The following PHACTR3 variants were observed in gnomAD, a reference collection of about 807,000 sequenced individuals.
PHACTR3 encodes the protein phosphatase and actin regulator 3, also known as protein phosphatase 1, regulatory subunit 123.
A neutral mutation model predicts 66.8 loss-of-function variants in PHACTR3; 16 were observed. That is an observed-to-expected ratio of 0.24 (90% CI 0.16 to 0.36). PHACTR3 has a LOEUF of 0.36. Ranked by LOEUF, PHACTR3 falls within the 10% of genes least tolerant of loss-of-function variation. PHACTR3 has a pLI of 1.00. For missense variants in PHACTR3, 647 were observed against 719.9 expected (o/e 0.90, Z 1.16); for synonymous variants, 323 against 292.1 (o/e 1.11, Z -1.08).
At chr20:59,648,330 AC>A (rs2035353564) in intron 1 of PHACTR3, among the ~76,000 whole-genome samples, 1 of 152,168 alleles carries the variant, frequency 6.6e-6, no homozygotes. Context: ...AGTGAAGAAT[AC>A]CAAAGCTGTA....
intron 1 of PHACTR3, among the ~76,000 whole-genome samples, chr20:59,647,847 C>T (rs1010547760): frequency 5.3e-5 from 8 of 152,192 alleles, no homozygotes; most frequent in Admixed American, 5.2e-4. Flanking sequence ...CCTTTCTTGG[C>T]TGGGTTTCCT....
intron 7 of PHACTR3, among the ~76,000 whole-genome samples, chr20:59,776,009 G>A (rs1442452842): frequency 6.6e-6 from 1 of 152,206 alleles, no homozygotes; most frequent in Non-Finnish European, 1.5e-5. Context: ...AGATGCCCCT[G>A]AGGGGCAGAA....
At chr20:59,793,320 A>G (rs2041159344) in intron 7 of PHACTR3, among the ~76,000 whole-genome samples, 1 of 152,182 alleles carries the variant, frequency 6.6e-6, no homozygotes, top group South Asian at 2.1e-4. Flanking sequence ...ATTTTTATGA[A>G]TAATGTCATT....
At chr20:59,709,914 G>A (rs1038807349) in intron 1 of PHACTR3, among the ~76,000 whole-genome samples, 4 of 152,056 alleles carry the variant, frequency 2.6e-5, no homozygotes, top group Non-Finnish European at 4.4e-5. Flanking sequence ...CAGCTTATAG[G>A]CTACTTGTAG....
At chr20:59,746,333 GACACTTGCCATCT>G (rs2039370836) in intron 2 of PHACTR3, among the ~76,000 whole-genome samples, 1 of 152,208 alleles carries the variant, frequency 6.6e-6, no homozygotes, top group Non-Finnish European at 1.5e-5. Flanking sequence ...CCCACTTCTA[GACACTTGCCATCT>G]GTCCTCCCAC....
At chr20:59,771,106 G>A (rs990113883) in intron 5 of PHACTR3, among the ~76,000 whole-genome samples, 1 of 152,192 alleles carries the variant, frequency 6.6e-6, no homozygotes, top group African/African-American at 2.4e-5. Flanking sequence ...TGTCACATCT[G>A]TGATTGACAG....
intron 1 of PHACTR3, among the ~76,000 whole-genome samples, chr20:59,620,174 C>T (rs1177909378): frequency 6.6e-6 from 1 of 152,198 alleles, no homozygotes; most frequent in African/African-American, 2.4e-5. Flanking sequence ...TCCTTTAGAG[C>T]ATTTTTAAAC....
At chr20:59,786,376 T>C (rs1364768546) in intron 7 of PHACTR3, among the ~76,000 whole-genome samples, 3 of 152,204 alleles carry the variant, frequency 2.0e-5, no homozygotes, top group Non-Finnish European at 4.4e-5. Flanking sequence ...AACTCAATGA[T>C]GTGAGATTGC....
chr20:59,717,209 G>A (rs758232764), intron 1 of PHACTR3, among the ~76,000 whole-genome samples: 3 of 152,036 alleles, frequency 2.0e-5, no homozygotes, highest in Admixed American at 1.3e-4. Context: ...TGTTTATTTA[G>A]TGTATTCTTT....
In PHACTR3 at chr20:59,773,298, A is replaced by G. The variant is rs762871777; in HGVS notation, c.771A>G (p.Gln257=). Residue 257 remains glutamine, a synonymous_variant, in exon 6 of 13, where the codon CAA becomes CAG. Coordinates refer to ENST00000371015, the MANE Select transcript of PHACTR3 (RefSeq NM_080672.5). ...KNVTGQATLF[Q]ASSMKSADPS... is the part of the protein sequence containing the mutation. ...CCCCAGGCCAAGCCACACTCTTCCA[A>G]GCCTCCAGCATGAAGAGTGCCGACC... The G allele has an allele frequency of 1.2e-6, 2 of 1,613,930 alleles. No homozygotes were observed. The highest frequency in any genetic ancestry group is 1.7e-6 in the Non-Finnish European group (2 of 1,179,916).
intron 7 of PHACTR3, among the ~76,000 whole-genome samples, chr20:59,778,845 G>A (rs1003008022): frequency 2.6e-5 from 4 of 152,260 alleles, no homozygotes; most frequent in South Asian, 2.1e-4. Context: ...ATTTGTTCTC[G>A]AAACCCAGTG....
chr20:59,766,056 A>G (rs1045231177), intron 4 of PHACTR3, among the ~76,000 whole-genome samples: 6 of 152,226 alleles, frequency 3.9e-5, no homozygotes, highest in Admixed American at 3.3e-4. Flanking sequence ...GGAAGAATAG[A>G]GATGCTGGGG....
At chr20:59,635,157 C>CTTTCTT (rs1568948941) in intron 1 of PHACTR3, among the ~76,000 whole-genome samples, 2 of 51,642 alleles carry the variant, frequency 3.9e-5, no homozygotes, top group East Asian at 1.1e-3. Context: ...CTTTTTCTTT[C>CTTTCTT]TTTCTTTCTT....
chr20:59,672,810 A>T (rs557341596), intron 1 of PHACTR3, among the ~76,000 whole-genome samples: 109 of 152,174 alleles, frequency 7.2e-4, no homozygotes, highest in Middle Eastern at 6.8e-3. Flanking sequence ...CACCGCAGCA[A>T]AGTTTTAGGA....
chr20:59,755,396 G>C (rs1241668298), intron 4 of PHACTR3, 32 bp downstream of exon 4: 4 of 1,604,918 alleles, frequency 2.5e-6, no homozygotes, highest in Admixed American at 1.7e-5. Flanking sequence ...AAGTTGAGCT[G>C]CTCCTAGAAT....
At chr20:59,778,719 C>T (rs1879281858) in intron 7 of PHACTR3, among the ~76,000 whole-genome samples, 2 of 152,132 alleles carry the variant, frequency 1.3e-5, no homozygotes, top group Admixed American at 1.3e-4. Flanking sequence ...CCAGAATGGG[C>T]CAATGGGGGA....
intron 2 of PHACTR3, among the ~76,000 whole-genome samples, chr20:59,745,273 C>A (rs1409971862): frequency 6.6e-6 from 1 of 152,186 alleles, no homozygotes; most frequent in Non-Finnish European, 1.5e-5. Flanking sequence ...GAGTGACCTC[C>A]GTGACCTCAG....
chr20:59,673,085 G>C (rs1463300713), intron 1 of PHACTR3, among the ~76,000 whole-genome samples: 1 of 152,204 alleles, frequency 6.6e-6, no homozygotes, highest in Non-Finnish European at 1.5e-5. Context: ...CGTCTCTCTA[G>C]TGTGTGAGGC....
rs528297420 is a variant in PHACTR3, at chr20:59,802,180, G to A, written c.1175-3861G>A. Among the ~76,000 whole-genome samples, 19 of 152,314 alleles carry A rather than the reference G, an allele frequency of 1.2e-4. 1 individual carries two copies. The South Asian group carries it at 3.9e-3, about 32-fold the overall frequency. ...AAGCATGGTGAAGAAAGCTGAATGTGCAAGCCTGGAGTTCAGGAGGGAGGT... is the reference window on the plus strand; with the variant it reads ...AAGCATGGTGAAGAAAGCTGAATGTACAAGCCTGGAGTTCAGGAGGGAGGT... On this transcript the variant is annotated intron_variant, in intron 7 of 12. Transcript: ENST00000371015.
Sources: allele counts gnomAD v4.1 joint callset (sites outside exome capture counted in the v4.1 genomes callset), GRCh38; gene constraint gnomAD v4.1.1; transcripts MANE v1.5; gene names NCBI Gene and HGNC (gene_info 2026-07-23, HGNC 2026-07-21).